The following DOP1B variants were observed in gnomAD, a reference collection of about 807,000 sequenced individuals.
DOP1B encodes protein DOP1B.
In DOP1B, 174 loss-of-function variants were observed where a neutral mutation model predicts 233.5. That is an observed-to-expected ratio of 0.75 (90% CI 0.66 to 0.85). The LOEUF (loss-of-function observed/expected upper bound fraction) is 0.85, where lower values mean the gene tolerates loss of function less well. DOP1B is among the 40% of genes least tolerant of loss of function. DOP1B has a pLI of 0.00. For synonymous variants in DOP1B, 1,190 were observed against 1,185.6 expected (o/e 1.00, Z -0.08); for missense variants, 2,652 against 2,846.6 (o/e 0.93, Z 1.56).
chr21:36,236,777 C>CTTTTTTTTTTTT (rs35374710), intron 15 of DOP1B, among the ~76,000 whole-genome samples: 16 of 118,554 alleles, frequency 1.3e-4, no homozygotes, highest in Admixed American at 1.9e-4. Flanking sequence ...TTTTCTTTTT[C>CTTTTTTTTTTTT]TTTTTTTTTT....
At chr21:36,260,768 A>G in intron 24 of DOP1B, 36 bp downstream of exon 24, 1 of 1,612,552 alleles carries the variant, frequency 6.2e-7, no homozygotes, top group Non-Finnish European at 8.5e-7. Flanking sequence ...AACTTCCTTA[A>G]ATACAGATGC....
At chr21:36,254,941 G>C (rs530019286) in intron 23 of DOP1B, among the ~76,000 whole-genome samples, 272 of 146,486 alleles carry the variant, frequency 1.9e-3, no homozygotes, top group South Asian at 9.6e-3. Flanking sequence ...ATTAAAATTT[G>C]TGTAACTTTT....
chr21:36,200,846 A>G (rs1303337768), intron 4 of DOP1B, among the ~76,000 whole-genome samples: 1 of 152,016 alleles, frequency 6.6e-6, no homozygotes, highest in East Asian at 1.9e-4. Context: ...CTCGAAAAAA[A>G]AAAAAAAGAC....
chr21:36,164,675 C>A, intron 1 of DOP1B, 33 bp from the exon 2 acceptor site: 1 of 1,476,330 alleles, frequency 6.8e-7, no homozygotes, highest in Non-Finnish European at 9.0e-7. Flanking sequence ...CCAAATGGCT[C>A]TCTCATTTGG....
intron 2 of DOP1B, chr21:36,169,928 C>T (rs2065956607): frequency 1.3e-6 from 1 of 771,634 alleles, no homozygotes; most frequent in Admixed American, 1.7e-5. Flanking sequence ...CCCACAACCA[C>T]CATAGGTGGT....
At chr21:36,204,640 C>G (rs2066407143) in intron 4 of DOP1B, among the ~76,000 whole-genome samples, 2 of 149,242 alleles carry the variant, frequency 1.3e-5, no homozygotes, top group African/African-American at 5.0e-5. Flanking sequence ...TGAGCCACCC[C>G]TTTTGGCTGA....
At chr21:36,176,992 T>G (rs1277455331) in intron 2 of DOP1B, among the ~76,000 whole-genome samples, 1 of 152,178 alleles carries the variant, frequency 6.6e-6, no homozygotes, top group African/African-American at 2.4e-5. Flanking sequence ...CTAATTTTTT[T>G]TGTATTTTTT....
intron 24 of DOP1B, among the ~76,000 whole-genome samples, chr21:36,262,904 A>AAAATAAAT: frequency 7.0e-6 from 1 of 143,672 alleles, no homozygotes; most frequent in East Asian, 1.9e-4. Context: ...AAACAATAAT[A>AAAATAAAT]AAATAAATAA....
intron 11 of DOP1B, among the ~76,000 whole-genome samples, chr21:36,224,225 C>G (rs897643016): frequency 2.6e-5 from 4 of 151,992 alleles, no homozygotes; most frequent in African/African-American, 7.3e-5. Flanking sequence ...TCCCAGCTCA[C>G]TGCAACCTCT....
chr21:36,278,719 A>G (rs1366260283), intron 30 of DOP1B, among the ~76,000 whole-genome samples: 1 of 152,020 alleles, frequency 6.6e-6, no homozygotes, highest in Non-Finnish European at 1.5e-5. Flanking sequence ...AAATTCAAAA[A>G]TTAGCCGGGC....
At chr21:36,208,413 CGGCCA>C (rs1369000274) in intron 4 of DOP1B, among the ~76,000 whole-genome samples, 4 of 152,210 alleles carry the variant, frequency 2.6e-5, no homozygotes, top group Non-Finnish European at 4.4e-5. Context: ...ATCCGTGGCA[CGGCCA>C]GGGTGGAGAT....
At chr21:36,199,389 G>C (rs2066331903) in intron 3 of DOP1B, 138 bp downstream of exon 3, 1 of 1,119,408 alleles carries the variant, frequency 8.9e-7, no homozygotes, top group Non-Finnish European at 1.2e-6. Flanking sequence ...CCATCACCAG[G>C]AGACGTCACT....
intron 24 of DOP1B, among the ~76,000 whole-genome samples, chr21:36,262,258 T>C (rs1263027906): frequency 6.6e-6 from 1 of 152,170 alleles, no homozygotes. Context: ...TTGAGTGTAG[T>C]GGCCTGAGGG....
intron 14 of DOP1B, among the ~76,000 whole-genome samples, chr21:36,231,671 GTTTT>G (rs1223755186): frequency 6.8e-6 from 1 of 146,432 alleles, no homozygotes; most frequent in Non-Finnish European, 1.5e-5. Flanking sequence ...TTTGTGTTGG[GTTTT>G]TTTGTTTTTT....
chr21:36,191,337 C>G (rs2066232432), intron 2 of DOP1B, among the ~76,000 whole-genome samples: 1 of 151,888 alleles, frequency 6.6e-6, no homozygotes, highest in African/African-American at 2.4e-5. Flanking sequence ...TTTGCAAGCC[C>G]TAGAAGGTAG....
Position 36,277,974 on chromosome 21 carries a change from G to T in DOP1B, c.5713-1G>T. 1 of 1,613,632 alleles carries T rather than the reference G, an allele frequency of 6.2e-7. No homozygotes were observed. Among genetic ancestry groups the T allele is most frequent in the African/African-American group, 1.3e-5 (1 of 75,000 alleles). On this transcript the variant is annotated splice_acceptor_variant, in intron 28 of 36. Transcript: ENST00000691173. LOFTEE classifies it high-confidence loss of function. ...GTTTTCTTAGGGCCTTGTTCTTTTA[G>T]GTACTGGCTTCCCTCCTGGACATGG...
chr21:36,212,143 C>T (rs769295333), intron 7 of DOP1B, 46 bp downstream of exon 7: 7 of 1,508,236 alleles, frequency 4.6e-6, no homozygotes, highest in South Asian at 2.6e-5. Flanking sequence ...TAATATGAAA[C>T]CTTTTAGTGC....
At position 36,211,663 on chromosome 21, in the gene DOP1B, G is replaced by A; in HGVS notation, c.780+12G>A. 1.9e-6 allele frequency: 3 copies of A among 1,612,284 alleles called. No individual in the cohort carries two copies. The highest frequency in any genetic ancestry group is 2.2e-5 in the South Asian group (2 of 91,012). ...TTTATACCTGTCTGGTAAGTAATTT[G>A]TACTCTTCTGGTAAGTCACTGGTGT... On this transcript the variant is annotated intron_variant, in intron 6 of 36. Transcript: ENST00000691173.
intron 2 of DOP1B, among the ~76,000 whole-genome samples, chr21:36,190,080 G>A (rs140897619): frequency 0.14 from 20,988 of 151,534 alleles, 1,806 homozygotes; most frequent in South Asian, 0.21. Context: ...CACTTTGGGA[G>A]GCTGAGGCAG....
Sources: allele counts gnomAD v4.1 joint callset (sites outside exome capture counted in the v4.1 genomes callset), GRCh38; gene constraint gnomAD v4.1.1; transcripts MANE v1.5; gene names NCBI Gene and HGNC (gene_info 2026-07-23, HGNC 2026-07-21).